Variants in PAN3 observed in about 807,000 individuals in gnomAD.
PAN3 encodes the protein poly(A) specific ribonuclease subunit PAN3.
PAN3 carries 19 observed loss-of-function variants against 96.2 expected under a neutral mutation model. The observed-to-expected ratio is 0.20, with a 90% CI of 0.14 to 0.29. PAN3 has a LOEUF of 0.29. Among genes scored for constraint, PAN3 ranks in the 10% least tolerant of loss-of-function variants. The probability of loss-of-function intolerance (pLI) is 1.00; values close to 1 mark genes in which losing one functional copy is unlikely to be tolerated. For missense variants in PAN3, 882 were observed against 1,108.1 expected, an observed-to-expected ratio of 0.80 and a Z score of 2.90; for synonymous variants, 433 against 406.6, an observed-to-expected ratio of 1.06 and a Z score of -0.78.
At chr13:28,162,577 G>A (rs954744920) in intron 1 of PAN3, among the ~76,000 whole-genome samples, 1 of 151,956 alleles carries the variant, frequency 6.6e-6, no homozygotes, top group Non-Finnish European at 1.5e-5. Context: ...AACCCAGGAG[G>A]TGGAGGTTGC....
intron 5 of PAN3, among the ~76,000 whole-genome samples, chr13:28,203,950 A>G (rs144283150): frequency 0.03 from 4,471 of 150,232 alleles, 225 homozygotes; most frequent in African/African-American, 0.1. Context: ...ATACAGGCAC[A>G]CTCCACCACG....
intron 6 of PAN3, among the ~76,000 whole-genome samples, chr13:28,230,780 CTT>C (rs1254077389): frequency 1.6e-5 from 2 of 124,132 alleles, no homozygotes; most frequent in African/African-American, 8.0e-5. Context: ...ATAAGACACT[CTT>C]GTCTTTAAGT....
chr13:28,145,479 C>A (rs1337746486), intron 1 of PAN3, among the ~76,000 whole-genome samples: 1 of 152,002 alleles, frequency 6.6e-6, no homozygotes, highest in African/African-American at 2.4e-5. Flanking sequence ...CACATGCCAC[C>A]GTGCCTGGCT....
intron 6 of PAN3, among the ~76,000 whole-genome samples, chr13:28,222,222 G>T (rs1328563975): frequency 6.6e-6 from 1 of 152,100 alleles, no homozygotes; most frequent in African/African-American, 2.4e-5. Context: ...AATGCTTATG[G>T]TATAGGTATA....
chr13:28,292,314 G>GCTGCAA, intron 18 of PAN3, 68 bp from the exon 19 acceptor site: 1 of 1,423,030 alleles, frequency 7.0e-7, no homozygotes, highest in Non-Finnish European at 9.4e-7. Context: ...ATTTATTTTT[G>GCTGCAA]CTGCAAACGT....
chr13:28,214,681 T>C, intron 5 of PAN3: 1 of 457,914 alleles, frequency 2.2e-6, no homozygotes, highest in Non-Finnish European at 4.0e-6. Context: ...CCTTCAAGTA[T>C]TCCTGGGTCT....
chr13:28,178,989 A>G (rs1875414931), intron 4 of PAN3, among the ~76,000 whole-genome samples: 1 of 151,322 alleles, frequency 6.6e-6, no homozygotes, highest in Non-Finnish European at 1.5e-5. Context: ...GAGAAAAAAA[A>G]GTTATGAAGA....
At chr13:28,182,212 G>A (rs1875880210) in intron 4 of PAN3, among the ~76,000 whole-genome samples, 1 of 152,162 alleles carries the variant, frequency 6.6e-6, no homozygotes, top group African/African-American at 2.4e-5. Context: ...TTCTTGCTAA[G>A]ATAGAAGTGT....
chr13:28,173,717 C>T (rs891281535), intron 1 of PAN3, among the ~76,000 whole-genome samples: 3 of 152,270 alleles, frequency 2.0e-5, no homozygotes, highest in South Asian at 2.1e-4. Context: ...CACAGTGTCC[C>T]GTTGATTGCC....
chr13:28,139,448 G>A (rs2137889295), intron 1 of PAN3, among the ~76,000 whole-genome samples: 1 of 151,140 alleles, frequency 6.6e-6, no homozygotes, highest in South Asian at 2.1e-4. Flanking sequence ...AGGCACATGT[G>A]TTTTGCGTGT....
intron 6 of PAN3, among the ~76,000 whole-genome samples, chr13:28,246,596 C>G (rs760685903): frequency 2.6e-5 from 4 of 152,166 alleles, no homozygotes; most frequent in Non-Finnish European, 4.4e-5. Flanking sequence ...CACTTCTCAA[C>G]TTCTGGTAAC....
chr13:28,266,302 A>T (rs1296306855), intron 9 of PAN3, among the ~76,000 whole-genome samples: 1 of 152,194 alleles, frequency 6.6e-6, no homozygotes, highest in Admixed American at 6.6e-5. Flanking sequence ...ATGAAAGTAT[A>T]GGTTGGTGTT....
At chr13:28,277,185 ATGAGTACCTG>A in intron 14 of PAN3, 42 bp from the exon 15 acceptor site, 1 of 1,534,552 alleles carries the variant, frequency 6.5e-7, no homozygotes, top group Middle Eastern at 1.7e-4. Context: ...AGTGTATTAA[ATGAGTACCTG>A]TGAAATGAAA....
chr13:28,279,482 G>A (rs1322610248), intron 15 of PAN3, among the ~76,000 whole-genome samples: 3 of 151,768 alleles, frequency 2.0e-5, no homozygotes, highest in African/African-American at 4.8e-5. Context: ...TTTTTTGGCC[G>A]GGTGCAGTGG....
At chr13:28,186,279 G>A (rs1448103092) in intron 4 of PAN3, among the ~76,000 whole-genome samples, 1 of 152,166 alleles carries the variant, frequency 6.6e-6, no homozygotes, top group Non-Finnish European at 1.5e-5. Context: ...ACAGAATGTG[G>A]AATTGATTTC....
In PAN3 at chr13:28,193,433, C is replaced by T. The variant is rs371271423; in HGVS notation, c.691-3752C>T. ...GTGCAGTTAAAGAGGGAGGATGATACGTTGGATGTATTTAAAACCATTTTT... is the reference window on the plus strand; with the variant it reads ...GTGCAGTTAAAGAGGGAGGATGATATGTTGGATGTATTTAAAACCATTTTT... On this transcript the variant is annotated intron_variant, in intron 4 of 18. Transcript: ENST00000380958. Among the ~76,000 whole-genome samples, 12 of 152,020 alleles carry T rather than the reference C, an allele frequency of 7.9e-5. No individual in the cohort carries two copies. The East Asian group carries it at 9.7e-4, about 12-fold the overall frequency.
chr13:28,177,801 C>T, intron 3 of PAN3, 64 bp from the exon 4 acceptor site: 1 of 1,293,616 alleles, frequency 7.7e-7, no homozygotes, highest in Non-Finnish European at 1.1e-6. Context: ...TCAAATTAAA[C>T]AGTTATTAGA....
At chr13:28,157,514 C>T (rs111476020) in intron 1 of PAN3, among the ~76,000 whole-genome samples, 2,769 of 152,262 alleles carry the variant, frequency 0.018, 72 homozygotes, top group African/African-American at 0.063. Context: ...AGCAAAGTTT[C>T]AGGATACAAA....
intron 1 of PAN3, among the ~76,000 whole-genome samples, chr13:28,143,412 A>G (rs1313353731): frequency 1.3e-5 from 2 of 152,238 alleles, no homozygotes; most frequent in African/African-American, 4.8e-5. Flanking sequence ...TTCAAAGTGT[A>G]CAATTTTTAA....
Sources: allele counts gnomAD v4.1 joint callset (sites outside exome capture counted in the v4.1 genomes callset), GRCh38; gene constraint gnomAD v4.1.1; transcripts MANE v1.5; gene names NCBI Gene and HGNC (gene_info 2026-07-23, HGNC 2026-07-21).